The following OR1F1 variants were observed in gnomAD, a reference collection of about 807,000 sequenced individuals.
OR1F1 encodes the protein olfactory receptor family 1 subfamily F member 1, also known as olfactory receptor 1F1.
For synonymous variants in OR1F1, 184 were observed against 156.7 expected (o/e 1.17, Z -1.30); for missense variants, 493 against 376.3 (o/e 1.31, Z -2.57).
chr16:3,195,556 C>T, the OR1F1 span, among the ~76,000 whole-genome samples: 1 of 151,758 alleles, frequency 6.6e-6, no homozygotes, highest in African/African-American at 2.4e-5. Flanking sequence ...GTGGGGGTGG[C>T]CTGTAATCCC....
the OR1F1 span, among the ~76,000 whole-genome samples, chr16:3,198,520 C>T: frequency 2.0e-5 from 3 of 152,032 alleles, no homozygotes; most frequent in Non-Finnish European, 2.9e-5. Flanking sequence ...GATATGCAAG[C>T]GGGGACAGGG....
chr16:3,205,731 G>A (rs189898580), downstream of OR1F1, among the ~76,000 whole-genome samples: 12 of 152,190 alleles, frequency 7.9e-5, no homozygotes, highest in East Asian at 5.8e-4. Flanking sequence ...ATCAGTTCCC[G>A]AAATTAACAC....
chr16:3,199,597 C>A (rs1206794037), upstream of OR1F1, among the ~76,000 whole-genome samples: 1 of 152,122 alleles, frequency 6.6e-6, no homozygotes, highest in Non-Finnish European at 1.5e-5. Flanking sequence ...TCCCAAAGTG[C>A]TAGTGTTGAC....
At chr16:3,193,039 C>A in the OR1F1 span, among the ~76,000 whole-genome samples, 11 of 152,144 alleles carry the variant, frequency 7.2e-5, no homozygotes, top group Non-Finnish European at 1.2e-4. Flanking sequence ...CAGGTTCAAG[C>A]GATTTTCCTG....
chr16:3,204,393 A>C (rs1958174617), exon 1 of OR1F1: 1 of 1,613,808 alleles, frequency 6.2e-7, no homozygotes, highest in South Asian at 1.1e-5. Context: ...TCCTGTCCGT[A>C]AGCATAGACT....
At chr16:3,195,088 G>A in the OR1F1 span, among the ~76,000 whole-genome samples, 1 of 152,202 alleles carries the variant, frequency 6.6e-6, no homozygotes, top group Non-Finnish European at 1.5e-5. Context: ...TGCCAGCCGT[G>A]CTCCGGGAAG....
upstream of OR1F1, chr16:3,204,169 G>A (rs1958170714): frequency 9.5e-7 from 1 of 1,057,680 alleles, no homozygotes. Flanking sequence ...CCATTCCTGT[G>A]CCCCATCTTA....
At chr16:3,197,700 G>A in the OR1F1 span, among the ~76,000 whole-genome samples, 2 of 146,122 alleles carry the variant, frequency 1.4e-5, no homozygotes, top group Admixed American at 1.4e-4. Flanking sequence ...AGAGGGAGAG[G>A]GAGAAGGAGA....
chr16:3,196,282 C>T, the OR1F1 span, among the ~76,000 whole-genome samples: 1 of 152,240 alleles, frequency 6.6e-6, no homozygotes, highest in Non-Finnish European at 1.5e-5. Context: ...ACATGGAGTA[C>T]TCTCAGGTCT....
chr16:3,203,424 A>G (rs1024376594), upstream of OR1F1, among the ~76,000 whole-genome samples: 3 of 152,338 alleles, frequency 2.0e-5, no homozygotes, highest in Non-Finnish European at 2.9e-5. Flanking sequence ...AGGGAAGCCA[A>G]CCCAGGACTT....
the OR1F1 span, among the ~76,000 whole-genome samples, chr16:3,196,179 C>T: frequency 6.6e-6 from 1 of 152,188 alleles, no homozygotes; most frequent in Non-Finnish European, 1.5e-5. Context: ...CGGTAGAGCA[C>T]AAGACTCTTA....
chr16:3,203,504 G>A (rs142967499), upstream of OR1F1, among the ~76,000 whole-genome samples: 3,963 of 152,314 alleles, frequency 0.026, 168 homozygotes, highest in African/African-American at 0.086. Context: ...GGTGGCTCAC[G>A]CCTGTAATCC....
At chr16:3,205,835 T>C (rs1220917948), downstream of OR1F1, among the ~76,000 whole-genome samples, 2 of 152,186 alleles carry the variant, frequency 1.3e-5, no homozygotes, top group African/African-American at 4.8e-5. Flanking sequence ...ACTGTGATAA[T>C]TCTACCTAAC....
chr16:3,201,096 T>C (rs1958130276), upstream of OR1F1, among the ~76,000 whole-genome samples: 1 of 152,236 alleles, frequency 6.6e-6, no homozygotes, highest in Admixed American at 6.5e-5. Context: ...GTATCTGGCT[T>C]CTTTCACTTA....
At chr16:3,194,122 G>A in the OR1F1 span, among the ~76,000 whole-genome samples, 21 of 152,296 alleles carry the variant, frequency 1.4e-4, no homozygotes, top group African/African-American at 4.8e-4. Context: ...GAAAAACAGG[G>A]CATTAAACAA....
the OR1F1 span, among the ~76,000 whole-genome samples, chr16:3,192,179 C>T: frequency 1.3e-5 from 2 of 152,308 alleles, no homozygotes; most frequent in Non-Finnish European, 2.9e-5. Flanking sequence ...GCCTCAGCCT[C>T]CTGAGTAGCT....
At chr16:3,195,582 T>C in the OR1F1 span, among the ~76,000 whole-genome samples, 5 of 148,942 alleles carry the variant, frequency 3.4e-5, no homozygotes, top group Non-Finnish European at 5.9e-5. Context: ...CTCGGGAGGC[T>C]GAGGCAAGAG....
At chr16:3,197,312 C>A in the OR1F1 span, among the ~76,000 whole-genome samples, 21 of 152,236 alleles carry the variant, frequency 1.4e-4, no homozygotes, top group African/African-American at 5.1e-4. Context: ...AGCCACTGTG[C>A]CCAGCCCAAA....
chr16:3,192,620 C>G, the OR1F1 span, among the ~76,000 whole-genome samples: 3 of 152,184 alleles, frequency 2.0e-5, no homozygotes, highest in African/African-American at 7.2e-5. Context: ...GGGGTTGTGT[C>G]CACGATCCCG....
Sources: allele counts gnomAD v4.1 joint callset (sites outside exome capture counted in the v4.1 genomes callset), GRCh38; gene constraint gnomAD v4.1.1; transcripts MANE v1.5; gene names NCBI Gene and HGNC (gene_info 2026-07-23, HGNC 2026-07-21).